VAV2: variants seen among roughly 807,000 people sequenced by gnomAD.
The protein encoded by VAV2 is guanine nucleotide exchange factor VAV2.
VAV2 carries 67 observed loss-of-function variants against 132.5 expected under a neutral mutation model. The observed-to-expected ratio is 0.51, with a 90% CI of 0.42 to 0.62. VAV2 has a LOEUF of 0.62. Among genes scored for constraint, VAV2 ranks in the 20% least tolerant of loss-of-function variants. The pLI, the probability that VAV2 is intolerant of heterozygous loss-of-function variation, is 0.00. For synonymous variants in VAV2, 492 were observed against 443.5 expected (o/e 1.11, Z -1.37); for missense variants, 938 against 1,153.6 (o/e 0.81, Z 2.71).
rs145515435 is a variant in VAV2 at position 133,973,134 on chromosome 9, C to A, written c.204+18941G>T. Among the ~76,000 whole-genome samples, 798 of 152,106 alleles carry A rather than the reference C, an allele frequency of 5.2e-3. 5 individuals are homozygous for A. The highest frequency in any genetic ancestry group is 8.5e-3 in the Non-Finnish European group (580 of 67,958). On this transcript the variant is annotated intron_variant, in intron 1 of 29. Transcript: ENST00000371850. ...TGAAGACCCAGTGCCACGGAGGGCCCAAGGAAGGTCCATGGGCACAGGGGA... is the reference window on the plus strand; with the variant it reads ...TGAAGACCCAGTGCCACGGAGGGCCAAAGGAAGGTCCATGGGCACAGGGGA...
At chr9:133,898,816 CTTTT>C (rs60943412) in intron 2 of VAV2, among the ~76,000 whole-genome samples, 5 of 82,480 alleles carry the variant, frequency 6.1e-5, no homozygotes, top group East Asian at 4.1e-4. Context: ...CAGACCCTGC[CTTTT>C]TTTTTTTTTT....
chr9:133,890,396 C>T (rs1476889399), intron 2 of VAV2, among the ~76,000 whole-genome samples: 1 of 152,226 alleles, frequency 6.6e-6, no homozygotes, highest in African/African-American at 2.4e-5. Flanking sequence ...TGCAGCTTCC[C>T]AGCCCCGGAC....
chr9:133,905,889 A>C (rs1033018938), intron 2 of VAV2, among the ~76,000 whole-genome samples: 1 of 151,910 alleles, frequency 6.6e-6, no homozygotes, highest in African/African-American at 2.4e-5. Context: ...AAAATACAGA[A>C]ATTAGCCGGG....
rs746494415 is a variant in VAV2 at position 133,992,055 on chromosome 9, C to T, written c.204+20G>A. ...GCGAACGCCGCCTCCCCGGGGCCCTCCCGCCCGCCGGGCGCTCACCTGGGA... is the reference window on the plus strand; with the variant it reads ...GCGAACGCCGCCTCCCCGGGGCCCTTCCGCCCGCCGGGCGCTCACCTGGGA... On this transcript the variant is annotated intron_variant, in intron 1 of 29. Transcript: ENST00000371850. This position sits in a 1 kb window ranked among gnomAD's most constrained non-coding sequence, Gnocchi z 5.5. The T allele has an allele frequency of 2.6e-6, 4 of 1,529,348 alleles. No individual in the cohort carries two copies. The highest frequency in any genetic ancestry group is 2.0e-5 in the Admixed American group (1 of 49,970). 94.7% of individuals were successfully genotyped at this position (1,529,348 alleles called of 1,614,324 possible).
chr9:133,882,272 C>T (rs1260496060), intron 2 of VAV2, among the ~76,000 whole-genome samples: 4 of 152,346 alleles, frequency 2.6e-5, no homozygotes, highest in African/African-American at 2.4e-5. Flanking sequence ...GCACGCAGGC[C>T]GCCAAGGGCA....
chr9:133,971,143 G>A (rs1238219401), intron 1 of VAV2, among the ~76,000 whole-genome samples: 9 of 152,190 alleles, frequency 5.9e-5, no homozygotes, highest in Non-Finnish European at 1.2e-4. Flanking sequence ...TTCCCCCAAC[G>A]AAGTCAGGCA....
intron 1 of VAV2, among the ~76,000 whole-genome samples, chr9:133,959,056 AGG>A (rs1841884095): frequency 1.0e-4 from 2 of 19,058 alleles, no homozygotes; most frequent in African/African-American, 1.7e-4. Flanking sequence ...CCAGGGGCCC[AGG>A]CCCAGGCAGG....
intron 2 of VAV2, among the ~76,000 whole-genome samples, chr9:133,867,616 G>T (rs1837859450): frequency 6.6e-6 from 1 of 152,258 alleles, no homozygotes; most frequent in Non-Finnish European, 1.5e-5. Context: ...AATGCACCAG[G>T]TGAAGACAAG....
chr9:133,818,009 A>G (rs1835628708), intron 4 of VAV2, among the ~76,000 whole-genome samples: 1 of 152,064 alleles, frequency 6.6e-6, no homozygotes, highest in African/African-American at 2.4e-5. Flanking sequence ...CCAAGTAAAG[A>G]TTTACCCTCA....
chr9:133,774,168 C>T (rs1489870490), intron 25 of VAV2, among the ~76,000 whole-genome samples: 2 of 152,238 alleles, frequency 1.3e-5, no homozygotes, highest in African/African-American at 2.4e-5. Context: ...ATGTAATAAA[C>T]AGTCATTAAA....
chr9:133,864,932 A>C (rs1206209406), intron 2 of VAV2, among the ~76,000 whole-genome samples: 1 of 152,200 alleles, frequency 6.6e-6, no homozygotes, highest in Non-Finnish European at 1.5e-5. Context: ...TTGCTGAATG[A>C]TTTATCTCCA....
chr9:133,779,774 A>AG, intron 21 of VAV2, 144 bp downstream of exon 21: 1 of 1,102,958 alleles, frequency 9.1e-7, no homozygotes. Flanking sequence ...GGCAAGAGGG[A>AG]GGGGGCCCAG....
intron 1 of VAV2, among the ~76,000 whole-genome samples, chr9:133,967,859 C>T (rs1025072448): frequency 2.2e-5 from 3 of 136,888 alleles, no homozygotes; most frequent in South Asian, 2.4e-4. Context: ...CTTGAACCCA[C>T]GAGGTGGAGG....
intron 1 of VAV2, among the ~76,000 whole-genome samples, chr9:133,947,126 G>T (rs946542966): frequency 6.6e-6 from 1 of 152,184 alleles, no homozygotes; most frequent in Admixed American, 6.5e-5. Context: ...CTTCCAAGAC[G>T]TCAGGGGCCC....
At position 133,961,549 on chromosome 9, in the gene VAV2, A is replaced by G. The variant is rs551317260; in HGVS notation, c.205-22330T>C. ...CCCACCCCCCGCTCAACAGGAACACAGCTGCTTCACCTCTCTGGGGTCTAT... is the reference window on the plus strand; with the variant it reads ...CCCACCCCCCGCTCAACAGGAACACGGCTGCTTCACCTCTCTGGGGTCTAT... On this transcript the variant is annotated intron_variant, in intron 1 of 29. Transcript: ENST00000371850. This position sits in a 1 kb window ranked among gnomAD's most constrained non-coding sequence, Gnocchi z 4.1. Among the ~76,000 whole-genome samples the G allele has an allele frequency of 1.8e-4, 27 of 152,278 alleles. No individual in the cohort carries two copies. The highest frequency in any genetic ancestry group is 6.5e-4 in the African/African-American group (27 of 41,542).
At chr9:133,933,970 G>C (rs1313025342) in intron 2 of VAV2, among the ~76,000 whole-genome samples, 2 of 148,552 alleles carry the variant, frequency 1.3e-5, no homozygotes, top group Non-Finnish European at 3.0e-5. Context: ...ATGGATGAAT[G>C]GATGGAAGGA....
rs548887834 is a variant in VAV2 at position 133,883,030 on chromosome 9, C to A, written c.322-21598G>T. ...ATGTGGGCCCCACACCCACCCCATG[C>A]CAGGCTTGGCCCCCTAATGGCCCTC... On this transcript the variant is annotated intron_variant, in intron 2 of 29. Coordinates refer to ENST00000371850, the MANE Select transcript of VAV2 (RefSeq NM_001134398.2). The surrounding 1 kb of genome is among the most constrained non-coding windows in gnomAD (Gnocchi z 4.2). 1.3e-5 allele frequency among the ~76,000 whole-genome samples: 2 copies of A among 152,244 alleles called. No individual in the cohort carries two copies. Among genetic ancestry groups the A allele is most frequent in the East Asian group, 3.9e-4 (2 of 5,156 alleles).
At chr9:133,944,990 C>G (rs1259164391) in intron 1 of VAV2, among the ~76,000 whole-genome samples, 3 of 152,200 alleles carry the variant, frequency 2.0e-5, no homozygotes, top group Admixed American at 6.5e-5. Context: ...TATAGGCGCT[C>G]CACGGCCGCC....
chr9:133,837,182 G>A (rs1452368430), intron 3 of VAV2, among the ~76,000 whole-genome samples: 1 of 152,254 alleles, frequency 6.6e-6, no homozygotes, highest in East Asian at 1.9e-4. Context: ...GCAGCTGTAG[G>A]ATAGCAGAAT....
Sources: gnomAD v4.1 joint callset for allele counts (sites outside exome capture counted in the v4.1 genomes callset) on GRCh38, gnomAD v4.1.1 for gene constraint, Gnocchi (gnomAD v3.1) non-coding constraint, MANE v1.5 for transcripts, NCBI Gene and HGNC (gene_info 2026-07-23, HGNC 2026-07-21) for gene names.